The following FNBP1 variants were observed in gnomAD, a reference collection of about 807,000 sequenced individuals.
The protein encoded by FNBP1 is formin-binding protein 1.
FNBP1 carries 26 observed loss-of-function variants against 90.6 expected under a neutral mutation model. That is an observed-to-expected ratio of 0.29 (90% CI 0.21 to 0.40). FNBP1 has a LOEUF of 0.40. Among genes scored for constraint, FNBP1 ranks in the 10% least tolerant of loss-of-function variants. FNBP1 has a pLI of 1.00. For synonymous variants in FNBP1, 260 were observed against 265.2 expected (o/e 0.98, Z 0.19); for missense variants, 635 against 768.0 (o/e 0.83, Z 2.05).
intron 2 of FNBP1, among the ~76,000 whole-genome samples, chr9:129,988,085 C>T (rs957358764): frequency 1.3e-5 from 2 of 151,830 alleles, no homozygotes; most frequent in Non-Finnish European, 2.9e-5. Context: ...CCTAGATGTA[C>T]CAGTTGTTAA....
intron 1 of FNBP1, among the ~76,000 whole-genome samples, chr9:130,034,586 C>T (rs564370598): frequency 7.7e-4 from 118 of 152,306 alleles, no homozygotes; most frequent in African/African-American, 2.8e-3. Context: ...TTAATATCCA[C>T]ACAAATTTAT....
rs1045752653 is a variant in FNBP1 at position 129,959,536 on chromosome 9, C to T, written c.346-983G>A. On this transcript the variant is annotated intron_variant, in intron 4 of 16. Transcript: ENST00000446176. ...CCTGGGAGGCAGAGGTTGCAGTGAG[C>T]TGAGATCGTGCTAATGCACTCCAGC... Among the ~76,000 whole-genome samples the T allele has an allele frequency of 4.6e-4, 70 of 152,098 alleles. 1 individual carries two copies. The highest frequency in any genetic ancestry group is 3.2e-3 in the Admixed American group (49 of 15,262).
At chr9:130,013,329 A>G (rs889545170) in intron 1 of FNBP1, among the ~76,000 whole-genome samples, 1 of 152,180 alleles carries the variant, frequency 6.6e-6, no homozygotes, top group Non-Finnish European at 1.5e-5. Context: ...AGGGGCAAAA[A>G]TAAATAAATA....
intron 1 of FNBP1, among the ~76,000 whole-genome samples, chr9:130,016,963 T>C (rs572431393): frequency 6.6e-6 from 1 of 152,248 alleles, no homozygotes; most frequent in South Asian, 2.1e-4. Flanking sequence ...AAATGTCATT[T>C]GGCAGAGCAG....
the FNBP1 span, among the ~76,000 whole-genome samples, chr9:130,048,632 T>C: frequency 2.4e-3 from 293 of 124,514 alleles, 2 homozygotes; most frequent in African/African-American, 6.8e-3. Flanking sequence ...GCGCCCGCCA[T>C]CACGCCCGGC....
In FNBP1 at chr9:129,889,570, C is replaced by CAAAA; in HGVS notation, c.*965_*968dup. On this transcript the variant is annotated 3_prime_UTR_variant, in exon 17 of 17. Coordinates refer to ENST00000446176, the MANE Select transcript of FNBP1 (RefSeq NM_015033.3). ...GAACAATAGAGCGAGACTCCCGTCT[C>CAAAA]AAAAAAAAAAAAAAAACAACAACAA... 5 of 111,766 alleles carry CAAAA rather than the reference C, an allele frequency of 4.5e-5. No individual in the cohort carries two copies. Among genetic ancestry groups the CAAAA allele is most frequent in the Admixed American group, 1.4e-4 (1 of 7,368 alleles). The allele number at this position is 111,766 out of a possible 1,614,324, so 6.9% of individuals were successfully genotyped here.
At chr9:129,996,789 A>T (rs2054071900) in intron 1 of FNBP1, among the ~76,000 whole-genome samples, 1 of 151,900 alleles carries the variant, frequency 6.6e-6, no homozygotes, top group South Asian at 2.1e-4. Context: ...TGCCTCCCAG[A>T]CTCAAGTGAT....
intron 2 of FNBP1, among the ~76,000 whole-genome samples, chr9:129,991,353 C>T (rs997085942): frequency 2.6e-5 from 4 of 151,224 alleles, no homozygotes; most frequent in Admixed American, 1.3e-4. Flanking sequence ...CTCACTGCAG[C>T]CCCAGCGTCT....
chr9:130,012,642 GT>G (rs2131706984), intron 1 of FNBP1, among the ~76,000 whole-genome samples: 1 of 152,112 alleles, frequency 6.6e-6, no homozygotes, highest in South Asian at 2.1e-4. Context: ...GTTTTGTTTT[GT>G]TTTGTTTTTT....
At chr9:129,893,796 G>T (rs1480990040) in intron 16 of FNBP1, among the ~76,000 whole-genome samples, 1 of 150,020 alleles carries the variant, frequency 6.7e-6, no homozygotes, top group South Asian at 2.1e-4. Flanking sequence ...CACGCCTGTA[G>T]TCCCAGCTAC....
intron 10 of FNBP1, 89 bp downstream of exon 10, chr9:129,923,755 T>C (rs900705284): frequency 6.8e-5 from 92 of 1,352,664 alleles, no homozygotes; most frequent in Non-Finnish European, 5.7e-5. Context: ...GAAAACACAA[T>C]GGATTCATTC....
chr9:129,928,190 C>T (rs2042195522), intron 7 of FNBP1, among the ~76,000 whole-genome samples: 2 of 152,212 alleles, frequency 1.3e-5, no homozygotes, highest in African/African-American at 4.8e-5. Context: ...TATCTTTTCT[C>T]ATACCATTTT....
intron 1 of FNBP1, among the ~76,000 whole-genome samples, chr9:130,026,255 G>T (rs1209034277): frequency 1.3e-5 from 2 of 152,084 alleles, no homozygotes; most frequent in Admixed American, 6.6e-5. Flanking sequence ...AGAACTTTGG[G>T]AGGCTGAGGT....
At chr9:129,899,335 C>T (rs2036417597) in intron 15 of FNBP1, among the ~76,000 whole-genome samples, 1 of 151,984 alleles carries the variant, frequency 6.6e-6, no homozygotes. Flanking sequence ...GCCTCAGCCT[C>T]CCAAAGTTCT....
At position 129,978,671 on chromosome 9, in the gene FNBP1, G is replaced by A. The variant is rs2050726012; in HGVS notation, c.198-59C>T. 9 of 1,509,716 alleles carry A rather than the reference G, an allele frequency of 6.0e-6. No homozygotes were observed. In the South Asian group the frequency reaches 9.7e-5, roughly 16 times the overall value. 93.5% of individuals were successfully genotyped at this position (1,509,716 alleles called of 1,614,324 possible). A position where few individuals can be genotyped will look rare whatever the true frequency, so the allele number is the denominator to read the frequency against. ...ACAAGGCCACATTCATTCATATTCT[G>A]CTTTACACCAAGAAAATATTAATTA... On this transcript the variant is annotated intron_variant, in intron 3 of 16. Coordinates refer to ENST00000446176, the MANE Select transcript of FNBP1 (RefSeq NM_015033.3).
intron 1 of FNBP1, among the ~76,000 whole-genome samples, chr9:130,001,883 C>G (rs2054900894): frequency 1.3e-5 from 2 of 152,124 alleles, no homozygotes; most frequent in South Asian, 4.2e-4. Context: ...AAAAAATTAG[C>G]CAGGCATGAT....
chr9:129,962,985 G>A, intron 4 of FNBP1, among the ~76,000 whole-genome samples: 1 of 152,126 alleles, frequency 6.6e-6, no homozygotes. Context: ...TCTTTATCGG[G>A]TGACTTCTCT....
At chr9:129,899,800 A>G (rs1311254939) in intron 15 of FNBP1, among the ~76,000 whole-genome samples, 165 bp downstream of exon 15, 4 of 108,242 alleles carry the variant, frequency 3.7e-5, no homozygotes, top group African/African-American at 1.1e-4. Context: ...GGAAGGAAGG[A>G]AGGGGAAGGG....
At chr9:129,984,555 G>T (rs538108094) in intron 2 of FNBP1, among the ~76,000 whole-genome samples, 1 of 150,024 alleles carries the variant, frequency 6.7e-6, no homozygotes, top group Non-Finnish European at 1.5e-5. Context: ...CTCACCCCCC[G>T]GAGGTCCACT....
Sources: gnomAD v4.1 joint callset for allele counts (sites outside exome capture counted in the v4.1 genomes callset) on GRCh38, gnomAD v4.1.1 for gene constraint, MANE v1.5 for transcripts, NCBI Gene and HGNC (gene_info 2026-07-23, HGNC 2026-07-21) for gene names.